Variants in ZC3H11A observed in about 807,000 individuals in gnomAD.
The protein encoded by ZC3H11A is zinc finger CCCH domain-containing protein 11A.
A neutral mutation model predicts 90.8 loss-of-function variants in ZC3H11A; 22 were observed. The ratio of observed to expected loss-of-function variants is 0.24; its 90% CI spans 0.17 to 0.35. The LOEUF is 0.35. ZC3H11A is among the 10% of genes least tolerant of loss of function. The probability of loss-of-function intolerance (pLI) is 1.00; values close to 1 mark genes in which losing one functional copy is unlikely to be tolerated. For missense variants in ZC3H11A, 701 were observed against 964.9 expected (o/e 0.73, Z 3.62); for synonymous variants, 294 against 339.8 (o/e 0.87, Z 1.48).
At chr1:203,838,160 T>A in intron 11 of ZC3H11A, 96 bp downstream of exon 11, 1 of 1,100,184 alleles carries the variant, frequency 9.1e-7, no homozygotes, top group Non-Finnish European at 1.3e-6. Flanking sequence ...TTTGTTCAGG[T>A]AAATAGGTTA....
intron 2 of ZC3H11A, chr1:203,814,974 T>G (rs2102722924): frequency 6.6e-6 from 1 of 151,876 alleles, no homozygotes; most frequent in Admixed American, 6.6e-5. Flanking sequence ...GGACTACAGG[T>G]GTGTGCCACC....
At chr1:203,831,287 A>G (rs1377804135) in intron 8 of ZC3H11A, among the ~76,000 whole-genome samples, 1 of 152,042 alleles carries the variant, frequency 6.6e-6, no homozygotes, top group Non-Finnish European at 1.5e-5. Context: ...CTTTATAGCA[A>G]CCTTGGAGTT....
At chr1:203,841,201 G>C (rs1404572090) in intron 12 of ZC3H11A, among the ~76,000 whole-genome samples, 1 of 150,684 alleles carries the variant, frequency 6.6e-6, no homozygotes, top group East Asian at 1.9e-4. Flanking sequence ...GTGTTTCTCG[G>C]AGAGGGGGAT....
At chr1:203,839,832 C>T (rs6692250) in intron 11 of ZC3H11A, among the ~76,000 whole-genome samples, 16,774 of 151,806 alleles carry the variant, frequency 0.11, 1,159 homozygotes, top group Non-Finnish European at 0.14. Context: ...GAGACAGAGT[C>T]TCACTCTGTC....
Position 203,798,157 on chromosome 1 carries a change from A to G in ZC3H11A, c.-1588+2363A>G, listed in dbSNP as rs370724689. 1.3e-5 allele frequency: 20 copies of G among 1,536,030 alleles called. No individual in the cohort carries two copies. Among genetic ancestry groups the G allele is most frequent in the South Asian group, 7.1e-5 (6 of 84,072 alleles). On this transcript the variant is annotated intron_variant, in intron 1 of 17. Transcript: ENST00000367210. ...TCTTTATCTCCCTCTTCTGGAAGCA[A>G]TGGAAGCTTTGAATATATTCCTACT... is the stretch of plus-strand genomic sequence containing the variant.
In ZC3H11A at chr1:203,813,683, G is replaced by A. The variant is rs931414766; in HGVS notation, c.-145-3243G>A. Among the ~76,000 whole-genome samples the A allele has an allele frequency of 2.0e-5, 3 of 151,958 alleles. No homozygotes were observed. In the East Asian group the frequency reaches 5.8e-4, roughly 29 times the overall value. On this transcript the variant is annotated intron_variant, in intron 2 of 17. Coordinates refer to ENST00000367210, the MANE Select transcript of ZC3H11A (RefSeq NM_001376342.1). The stretch of plus-strand genomic sequence containing the variant: ...GAGATGTCTAAAATGTTTTCAGCAG[G>A]GCCATTCTCCCTCTGAAGCCTGTAG...
intron 1 of ZC3H11A, 90 bp downstream of exon 1, chr1:203,795,884 C>T (rs987218586): frequency 5.9e-5 from 9 of 152,004 alleles, no homozygotes; most frequent in African/African-American, 2.2e-4. Flanking sequence ...CCTCCCCTCG[C>T]CCCTGGGTCG....
rs571699255 is a variant in ZC3H11A, at chr1:203,809,782, C to T, written c.-146+6766C>T. 6.6e-4 allele frequency among the ~76,000 whole-genome samples: 101 copies of T among 151,924 alleles called. No homozygotes were observed. In the South Asian group the frequency reaches 0.02, roughly 30 times the overall value. ...CAATCTGGCCAACATGGTGAAACCCCGTCTCTACTAAAAATACAAAAATTA... is the reference window on the plus strand; with the variant it reads ...CAATCTGGCCAACATGGTGAAACCCTGTCTCTACTAAAAATACAAAAATTA... On this transcript the variant is annotated intron_variant, in intron 2 of 17. Coordinates refer to ENST00000367210, the MANE Select transcript of ZC3H11A (RefSeq NM_001376342.1).
intron 2 of ZC3H11A, among the ~76,000 whole-genome samples, chr1:203,811,278 A>T (rs929750943): frequency 6.6e-6 from 1 of 152,174 alleles, no homozygotes; most frequent in Non-Finnish European, 1.5e-5. Context: ...ATTGCACTTC[A>T]GCCTGGGCAA....
intron 9 of ZC3H11A, 83 bp downstream of exon 9, chr1:203,831,854 T>A: frequency 8.8e-7 from 1 of 1,134,164 alleles, no homozygotes; most frequent in Non-Finnish European, 1.3e-6. Context: ...ATCTTTTACC[T>A]TTGATGAATT....
intron 4 of ZC3H11A, among the ~76,000 whole-genome samples, chr1:203,826,355 T>A (rs914841899): frequency 7.3e-5 from 11 of 150,122 alleles, no homozygotes; most frequent in African/African-American, 1.7e-4. Flanking sequence ...ATATTAAAAT[T>A]AATAAATAAA....
chr1:203,847,796 AC>A, intron 13 of ZC3H11A, 109 bp downstream of exon 13: 2 of 1,451,946 alleles, frequency 1.4e-6, no homozygotes, highest in Non-Finnish European at 1.9e-6. Context: ...TACTCAGATA[AC>A]GTTGAAAACA....
At chr1:203,847,160 C>T (rs1688134294) in intron 12 of ZC3H11A, 24 bp from the exon 13 acceptor site, 1 of 1,609,572 alleles carries the variant, frequency 6.2e-7, no homozygotes, top group African/African-American at 1.3e-5. Flanking sequence ...AGTATAATGA[C>T]ATGTTTTTCT....
chr1:203,811,221 T>G (rs1264779866), intron 2 of ZC3H11A, among the ~76,000 whole-genome samples: 1 of 151,206 alleles, frequency 6.6e-6, no homozygotes, highest in Non-Finnish European at 1.5e-5. Flanking sequence ...GGCAGGCGAC[T>G]CACTTGAACC....
At position 203,842,128 on chromosome 1, in the gene ZC3H11A, G is replaced by C. The variant is rs1042450480; in HGVS notation, c.1042+1754G>C. On this transcript the variant is annotated intron_variant, in intron 12 of 17. Coordinates refer to ENST00000367210, the MANE Select transcript of ZC3H11A (RefSeq NM_001376342.1). ...CTCACTTCCCAGACTGGGCGGCTGG[G>C]CGGAAGGGCTCCTCACATCCCAGAC... Among the ~76,000 whole-genome samples, 45 of 151,030 alleles carry C rather than the reference G, an allele frequency of 3.0e-4. 1 individual carries two copies. The highest frequency in any genetic ancestry group is 1.6e-3 in the Admixed American group (24 of 15,156).
At chr1:203,841,583 C>A (rs774882410) in intron 12 of ZC3H11A, among the ~76,000 whole-genome samples, 17 of 151,462 alleles carry the variant, frequency 1.1e-4, no homozygotes, top group Non-Finnish European at 2.5e-4. Context: ...ACAATCTGAT[C>A]TCTCTTTCTT....
chr1:203,826,286 A>G (rs889622176), intron 4 of ZC3H11A, among the ~76,000 whole-genome samples: 1 of 151,934 alleles, frequency 6.6e-6, no homozygotes, highest in African/African-American at 2.4e-5. Context: ...CTCTATAGGT[A>G]GTGTGCCCAC....
intron 2 of ZC3H11A, among the ~76,000 whole-genome samples, chr1:203,803,970 T>C (rs1671321948): frequency 6.6e-6 from 1 of 152,190 alleles, no homozygotes; most frequent in Non-Finnish European, 1.5e-5. Flanking sequence ...TAAACTCTAA[T>C]TGGGATTTTG....
intron 12 of ZC3H11A, among the ~76,000 whole-genome samples, chr1:203,841,557 C>T (rs1047379423): frequency 6.6e-6 from 1 of 152,236 alleles, no homozygotes; most frequent in African/African-American, 2.4e-5. Context: ...CTACTTCTTT[C>T]TACACAGACA....
Sources: gnomAD v4.1 joint callset for allele counts (sites outside exome capture counted in the v4.1 genomes callset) on GRCh38, gnomAD v4.1.1 for gene constraint, MANE v1.5 for transcripts, NCBI Gene and HGNC (gene_info 2026-07-23, HGNC 2026-07-21) for gene names.